Variants in PREX2 observed in about 807,000 individuals in gnomAD.
PREX2 encodes phosphatidylinositol-3,4,5-trisphosphate dependent Rac exchange factor 2.
PREX2 carries 107 observed loss-of-function variants against 203.2 expected under a neutral mutation model. The observed-to-expected ratio is 0.53, with a 90% CI of 0.45 to 0.62. PREX2 has a LOEUF of 0.62. Among genes scored for constraint, PREX2 ranks in the 20% least tolerant of loss-of-function variants. The pLI is 0.00. For synonymous variants in PREX2, 672 were observed against 663.6 expected, an observed-to-expected ratio of 1.01 and a Z score of -0.19; for missense variants, 1,777 against 1,955.9, an observed-to-expected ratio of 0.91 and a Z score of 1.72.
At chr8:67,956,783 G>T (rs986852124) in intron 1 of PREX2, among the ~76,000 whole-genome samples, 8 of 152,208 alleles carry the variant, frequency 5.3e-5, no homozygotes, top group African/African-American at 1.9e-4. Context: ...TGCATGGCTA[G>T]TCCACATTGT....
chr8:68,188,623 T>C (rs1278580940), intron 35 of PREX2, among the ~76,000 whole-genome samples: 2 of 152,196 alleles, frequency 1.3e-5, no homozygotes, highest in Non-Finnish European at 2.9e-5. Flanking sequence ...CAATCATGGC[T>C]GAAGGCAAAT....
At chr8:68,049,603 T>A (rs1221424354) in intron 8 of PREX2, among the ~76,000 whole-genome samples, 1 of 152,104 alleles carries the variant, frequency 6.6e-6, no homozygotes, top group Non-Finnish European at 1.5e-5. Context: ...ATTTTTCTGT[T>A]TTTGGAAGAA....
chr8:68,097,544 C>G (rs1810122513), intron 22 of PREX2, among the ~76,000 whole-genome samples: 3 of 152,212 alleles, frequency 2.0e-5, no homozygotes, highest in Admixed American at 2.0e-4. Context: ...AGGCTGGTCT[C>G]AAACTCCTGA....
chr8:68,018,749 AAATT>A (rs796133922), intron 2 of PREX2, among the ~76,000 whole-genome samples: 48 of 152,332 alleles, frequency 3.2e-4, no homozygotes, highest in African/African-American at 1.1e-3. Context: ...TGGTAAATGA[AAATT>A]AATTATACTA....
At chr8:68,039,993 C>T (rs151322887) in intron 7 of PREX2, among the ~76,000 whole-genome samples, 176 of 152,130 alleles carry the variant, frequency 1.2e-3, no homozygotes, top group African/African-American at 4.0e-3. Context: ...TGCTCAAAGC[C>T]CTCATTGGCT....
chr8:68,079,009 A>G (rs1809434570), intron 15 of PREX2, among the ~76,000 whole-genome samples: 1 of 152,142 alleles, frequency 6.6e-6, no homozygotes, highest in Non-Finnish European at 1.5e-5. Context: ...AACTGCTTAG[A>G]TCATTAAGTC....
At chr8:68,105,428 C>G (rs1810381618) in intron 23 of PREX2, 1 of 1,244,128 alleles carries the variant, frequency 8.0e-7, no homozygotes, top group Admixed American at 3.0e-5. Context: ...AGCATGTGGG[C>G]AGGGGGACAT....
intron 1 of PREX2, among the ~76,000 whole-genome samples, chr8:68,003,808 A>G (rs371482248): frequency 1.3e-5 from 2 of 148,554 alleles, no homozygotes; most frequent in African/African-American, 5.0e-5. Flanking sequence ...TTTGGTTCCT[A>G]TATCAGCCTC....
intron 9 of PREX2, among the ~76,000 whole-genome samples, chr8:68,054,722 A>C (rs1808623866): frequency 6.6e-6 from 1 of 152,150 alleles, no homozygotes; most frequent in East Asian, 1.9e-4. Flanking sequence ...GATTTGTTCA[A>C]CTTTATGTCC....
At chr8:67,989,494 A>C (rs56240241) in intron 1 of PREX2, among the ~76,000 whole-genome samples, 33,771 of 152,100 alleles carry the variant, frequency 0.22, 4,811 homozygotes, top group East Asian at 0.54. Context: ...GTCATTCTTG[A>C]TACATTACTA....
At chr8:68,088,386 A>T (rs1456019443) in intron 19 of PREX2, among the ~76,000 whole-genome samples, 2 of 152,218 alleles carry the variant, frequency 1.3e-5, no homozygotes, top group Non-Finnish European at 2.9e-5. Context: ...TGAAGGAAAT[A>T]ACTGTCAGAT....
chr8:67,998,373 C>A (rs1481988215), intron 1 of PREX2, among the ~76,000 whole-genome samples: 1 of 152,232 alleles, frequency 6.6e-6, no homozygotes, highest in Non-Finnish European at 1.5e-5. Context: ...CTGTCCCCAA[C>A]CTTCAGCGTG....
At chr8:68,226,116 C>T (rs1330537206) in intron 39 of PREX2, among the ~76,000 whole-genome samples, 3 of 152,080 alleles carry the variant, frequency 2.0e-5, no homozygotes, top group African/African-American at 7.2e-5. Flanking sequence ...ACATTATCTA[C>T]AAGGGAGTAA....
chr8:67,998,660 C>T (rs1563492219), intron 1 of PREX2, among the ~76,000 whole-genome samples: 1 of 152,148 alleles, frequency 6.6e-6, no homozygotes, highest in Non-Finnish European at 1.5e-5. Flanking sequence ...ACTAAGTACT[C>T]AGGTGGTGAC....
At chr8:68,021,986 T>C (rs778346645) in intron 3 of PREX2, 50 bp from the exon 4 acceptor site, 2 of 902,222 alleles carry the variant, frequency 2.2e-6, no homozygotes, top group South Asian at 1.3e-5. Context: ...TAGGTTAAAA[T>C]TGCAGAATGG....
intron 1 of PREX2, among the ~76,000 whole-genome samples, chr8:67,983,134 C>T (rs1376458497): frequency 6.6e-6 from 1 of 152,116 alleles, no homozygotes; most frequent in East Asian, 1.9e-4. Flanking sequence ...AGCAGATATG[C>T]TAATTTCTAA....
At chr8:68,166,533 G>C (rs780287243) in intron 35 of PREX2, among the ~76,000 whole-genome samples, 2 of 152,118 alleles carry the variant, frequency 1.3e-5, no homozygotes, top group Admixed American at 6.5e-5. Flanking sequence ...AAGGGGGATG[G>C]GGAGTTAATC....
At chr8:68,069,284 G>T in intron 12 of PREX2, 148 bp downstream of exon 12, 1 of 548,294 alleles carries the variant, frequency 1.8e-6, no homozygotes, top group Non-Finnish European at 3.2e-6. Context: ...ATTTATTTTT[G>T]GTATTTCAAG....
Position 68,069,854 on chromosome 8 carries a change from G to T in PREX2, c.1463G>T (p.Arg488Leu). 1 of 1,552,120 alleles carries T rather than the reference G, an allele frequency of 6.4e-7. No individual in the cohort carries two copies. Reference sequence around the variant, plus strand: ...ACGTAGGGTGTAAGATTATATTGTCGTCTTCATAGCCTTTTTACTCCAGTG... The same window carrying T: ...ACGTAGGGTGTAAGATTATATTGTCTTCTTCATAGCCTTTTTACTCCAGTG... ...VISKGVRLYCRLHSLFTPVIR... is the reference protein window; with the variant it reads ...VISKGVRLYCLLHSLFTPVIR... The change falls in exon 13 of 40, where the codon CGT (arginine) becomes CTT (leucine). Residue 488 changes from arginine (R) to leucine (L), a missense_variant. By Grantham distance (102) the Arg-to-Leu change is moderately radical. Transcript: ENST00000288368.
Sources: allele counts gnomAD v4.1 joint callset (sites outside exome capture counted in the v4.1 genomes callset), GRCh38; gene constraint gnomAD v4.1.1; transcripts MANE v1.5; gene names NCBI Gene and HGNC (gene_info 2026-07-23, HGNC 2026-07-21).